PPP3CA: variants seen among roughly 807,000 people sequenced by gnomAD.
PPP3CA encodes protein phosphatase 3 catalytic subunit alpha, also known as CAM-PRP catalytic subunit.
PPP3CA carries 14 observed loss-of-function variants against 66.5 expected under a neutral mutation model. The observed-to-expected ratio is 0.21, with a 90% CI of 0.14 to 0.33. The LOEUF (loss-of-function observed/expected upper bound fraction) is 0.33, where lower values mean the gene tolerates loss of function less well. Among genes scored for constraint, PPP3CA ranks in the 10% least tolerant of loss-of-function variants. The pLI is 1.00. For synonymous variants in PPP3CA, 232 were observed against 226.2 expected, an observed-to-expected ratio of 1.03 and a Z score of -0.23; for missense variants, 317 against 639.5, an observed-to-expected ratio of 0.50 and a Z score of 5.44.
intron 1 of PPP3CA, among the ~76,000 whole-genome samples, chr4:101,252,011 T>A (rs569529404): frequency 1.4e-4 from 21 of 152,278 alleles, no homozygotes; most frequent in African/African-American, 4.8e-4. Flanking sequence ...AGGTCACACC[T>A]TGCTGAAAAC....
At chr4:101,201,698 C>T (rs1019207957) in intron 1 of PPP3CA, among the ~76,000 whole-genome samples, 2 of 152,198 alleles carry the variant, frequency 1.3e-5, no homozygotes, top group Admixed American at 1.3e-4. Context: ...TGAACAAGGA[C>T]TGTCAAAGAT....
intron 2 of PPP3CA, among the ~76,000 whole-genome samples, chr4:101,155,988 A>G (rs937472699): frequency 2.0e-5 from 3 of 152,166 alleles, no homozygotes; most frequent in African/African-American, 7.2e-5. Context: ...GTAGACAGGG[A>G]CCCTTACATG....
intron 1 of PPP3CA, among the ~76,000 whole-genome samples, chr4:101,201,197 A>G (rs1258223980): frequency 3.3e-5 from 5 of 152,222 alleles, no homozygotes; most frequent in African/African-American, 1.2e-4. Flanking sequence ...TTGCTTATCT[A>G]GCTTTCTTTT....
At chr4:101,036,417 CT>C (rs5860655) in intron 11 of PPP3CA, among the ~76,000 whole-genome samples, 82,977 of 146,178 alleles carry the variant, frequency 0.57, 24,653 homozygotes, top group African/African-American at 0.73. Flanking sequence ...TTCTTTCTTT[CT>C]TTTTTTTTTT....
At position 101,045,639 on chromosome 4, in the gene PPP3CA, G is replaced by A. The variant is rs1031886463; in HGVS notation, c.1157-5073C>T. 2.0e-5 allele frequency among the ~76,000 whole-genome samples: 3 copies of A among 152,342 alleles called. No homozygotes were observed. In the East Asian group the frequency reaches 5.8e-4, roughly 29 times the overall value. ...GATGGGTAAGAAGTTTGATGTGAATGAAGTTTGAGTAAACGCGGAAGATGG... is the reference window on the plus strand; with the variant it reads ...GATGGGTAAGAAGTTTGATGTGAATAAAGTTTGAGTAAACGCGGAAGATGG... On this transcript the variant is annotated intron_variant, in intron 10 of 13. Transcript: ENST00000394854.
intron 1 of PPP3CA, among the ~76,000 whole-genome samples, chr4:101,316,251 C>T (rs796526823): frequency 2.0e-5 from 3 of 150,276 alleles, no homozygotes; most frequent in African/African-American, 7.4e-5. Context: ...GATGAACTTG[C>T]CACAGGAATT....
chr4:101,234,738 G>A (rs753884950), intron 1 of PPP3CA, among the ~76,000 whole-genome samples: 6 of 151,646 alleles, frequency 4.0e-5, no homozygotes, highest in East Asian at 1.9e-4. Flanking sequence ...AAGGCAGTTC[G>A]CAGTTAATGC....
At chr4:101,189,699 A>AC (rs1434889692) in intron 2 of PPP3CA, among the ~76,000 whole-genome samples, 1 of 151,212 alleles carries the variant, frequency 6.6e-6, no homozygotes, top group African/African-American at 2.4e-5. Flanking sequence ...AAAAAAAAAA[A>AC]AAAAACAAAA....
At chr4:101,259,400 C>T (rs1726945342) in intron 1 of PPP3CA, among the ~76,000 whole-genome samples, 1 of 152,092 alleles carries the variant, frequency 6.6e-6, no homozygotes, top group South Asian at 2.1e-4. Context: ...ACATGGACCA[C>T]GATCACCAAG....
intron 1 of PPP3CA, among the ~76,000 whole-genome samples, chr4:101,230,506 G>A (rs1725925886): frequency 6.6e-6 from 1 of 151,562 alleles, no homozygotes; most frequent in Admixed American, 6.6e-5. Flanking sequence ...GTGACAGAGA[G>A]AGAGACCCGT....
chr4:101,331,687 G>C (rs1181548105), intron 1 of PPP3CA, among the ~76,000 whole-genome samples: 2 of 152,112 alleles, frequency 1.3e-5, no homozygotes, highest in Non-Finnish European at 2.9e-5. Context: ...AAGTCCTTCA[G>C]CTCAATCAAC....
At chr4:101,219,212 G>A (rs187829954) in intron 1 of PPP3CA, among the ~76,000 whole-genome samples, 7 of 152,104 alleles carry the variant, frequency 4.6e-5, no homozygotes, top group Admixed American at 1.3e-4. Flanking sequence ...CATCTGGAAA[G>A]TATACTATGT....
intron 1 of PPP3CA, among the ~76,000 whole-genome samples, chr4:101,253,721 T>C (rs1239522719): frequency 3.9e-5 from 6 of 152,102 alleles, no homozygotes; most frequent in Non-Finnish European, 8.8e-5. Flanking sequence ...TCATGACTTA[T>C]ATAAGAGCTT....
chr4:101,273,388 G>A (rs1401742566), intron 1 of PPP3CA, among the ~76,000 whole-genome samples: 5 of 151,986 alleles, frequency 3.3e-5, no homozygotes, highest in Admixed American at 1.3e-4. Context: ...GCGCAGTGGC[G>A]CAGGCTCTAC....
At chr4:101,333,888 G>A (rs1050313345) in intron 1 of PPP3CA, among the ~76,000 whole-genome samples, 1 of 152,076 alleles carries the variant, frequency 6.6e-6, no homozygotes, top group Non-Finnish European at 1.5e-5. Flanking sequence ...ATTTCCTTTT[G>A]CTTCCCACAC....
chr4:101,107,667 T>C (rs1369017385), intron 3 of PPP3CA, among the ~76,000 whole-genome samples: 1 of 152,184 alleles, frequency 6.6e-6, no homozygotes, highest in Non-Finnish European at 1.5e-5. Flanking sequence ...TGACTAAAGG[T>C]GAATTAAATA....
chr4:101,296,701 T>C (rs1447063184), intron 1 of PPP3CA, among the ~76,000 whole-genome samples: 3 of 152,194 alleles, frequency 2.0e-5, no homozygotes, highest in African/African-American at 7.2e-5. Context: ...CTAGATTGTT[T>C]CTGTTTCCCA....
At chr4:101,321,426 A>T (rs936187129) in intron 1 of PPP3CA, among the ~76,000 whole-genome samples, 1 of 152,262 alleles carries the variant, frequency 6.6e-6, no homozygotes, top group Non-Finnish European at 1.5e-5. Context: ...GCAATATTAC[A>T]TCACTAAAAC....
intron 1 of PPP3CA, among the ~76,000 whole-genome samples, chr4:101,335,246 TTAC>T (rs1451436266): frequency 6.6e-6 from 1 of 151,884 alleles, no homozygotes; most frequent in Non-Finnish European, 1.5e-5. Flanking sequence ...ACAACCAATT[TTAC>T]TACATTTGCC....
Sources: gnomAD v4.1 joint callset for allele counts (sites outside exome capture counted in the v4.1 genomes callset) on GRCh38, gnomAD v4.1.1 for gene constraint, MANE v1.5 for transcripts, NCBI Gene and HGNC (gene_info 2026-07-23, HGNC 2026-07-21) for gene names.